The following ACACA variants were observed in gnomAD, a reference collection of about 807,000 sequenced individuals.
ACACA encodes acetyl-CoA carboxylase alpha.
ACACA carries 103 observed loss-of-function variants against 296.1 expected under a neutral mutation model. The ratio of observed to expected loss-of-function variants is 0.35; its 90% confidence interval spans 0.30 to 0.41. The LOEUF (loss-of-function observed/expected upper bound fraction) is 0.41. ACACA is among the 10% of genes least tolerant of loss of function. ACACA has a pLI of 1.00. For missense variants in ACACA, 1,554 were observed against 2,989.7 expected, an observed-to-expected ratio of 0.52 and a Z score of 11.20; for synonymous variants, 953 against 1,038.6, an observed-to-expected ratio of 0.92 and a Z score of 1.58.
chr17:37,180,880 A>G (rs2077292631), intron 40 of ACACA, among the ~76,000 whole-genome samples: 1 of 152,218 alleles, frequency 6.6e-6, no homozygotes, highest in Middle Eastern at 3.2e-3. Context: ...TAATTTGAAT[A>G]TAGACTTGGG....
chr17:37,151,756 G>T (rs1012776540), intron 43 of ACACA, among the ~76,000 whole-genome samples: 7 of 152,152 alleles, frequency 4.6e-5, no homozygotes, highest in Non-Finnish European at 1.0e-4. Context: ...CTGCCTCCCG[G>T]GTTCACGCCA....
chr17:37,242,565 T>A (rs1220972775), intron 22 of ACACA, among the ~76,000 whole-genome samples: 1 of 151,912 alleles, frequency 6.6e-6, no homozygotes, highest in Non-Finnish European at 1.5e-5. Context: ...CCCATCTCTA[T>A]AAAAATTTTT....
At chr17:37,175,696 C>T (rs888796883) in intron 41 of ACACA, among the ~76,000 whole-genome samples, 1 of 152,206 alleles carries the variant, frequency 6.6e-6, no homozygotes, top group Non-Finnish European at 1.5e-5. Flanking sequence ...ATCTTTGGAG[C>T]TATCTGCAAG....
chr17:37,178,223 A>G (rs563375098), intron 41 of ACACA, among the ~76,000 whole-genome samples: 2 of 152,340 alleles, frequency 1.3e-5, no homozygotes, highest in Non-Finnish European at 2.9e-5. Flanking sequence ...GTATAAGAGT[A>G]TAGGGCAAAA....
intron 10 of ACACA, among the ~76,000 whole-genome samples, chr17:37,268,061 T>C (rs149335912): frequency 6.6e-6 from 1 of 152,342 alleles, no homozygotes; most frequent in East Asian, 1.9e-4. Context: ...TGATTTCCAG[T>C]TCTCTACCAA....
intron 1 of ACACA, among the ~76,000 whole-genome samples, chr17:37,396,114 T>C (rs531995348): frequency 2.6e-5 from 4 of 151,936 alleles, no homozygotes; most frequent in African/African-American, 9.6e-5. Context: ...CCGAGTCGGG[T>C]GGATCATCTG....
chr17:37,368,234 T>C (rs1216826531), intron 1 of ACACA, among the ~76,000 whole-genome samples: 1 of 152,214 alleles, frequency 6.6e-6, no homozygotes, highest in African/African-American at 2.4e-5. Flanking sequence ...TTTGCACCAC[T>C]GCACTCCAGC....
At chr17:37,152,477 C>T (rs2076084091) in intron 43 of ACACA, among the ~76,000 whole-genome samples, 1 of 152,202 alleles carries the variant, frequency 6.6e-6, no homozygotes, top group African/African-American at 2.4e-5. Flanking sequence ...AAATACTGAA[C>T]TCCCATTCAT....
Position 37,119,895 on chromosome 17 carries a change from C to CTT in ACACA, c.6274+1458_6274+1459dup, listed in dbSNP as rs36029062. Among the ~76,000 whole-genome samples, 1,058 of 134,392 alleles carry CTT rather than the reference C, an allele frequency of 7.9e-3. 22 individuals carry two copies. Among genetic ancestry groups the CTT allele is most frequent in the African/African-American group, 0.028 (977 of 35,018 alleles). The allele number at this position is 134,392 out of a possible 152,430, so 88.2% of individuals were successfully genotyped here. Reference sequence around the variant, plus strand: ...TATTTTCTTTTCTTTTTCTTTCTTTCTTTTTTTTTTTTTTTGAGATGGAGT... The same window carrying CTT: ...TATTTTCTTTTCTTTTTCTTTCTTTCTTTTTTTTTTTTTTTTTGAGATGGAGT... On this transcript the variant is annotated intron_variant, in intron 50 of 55. Transcript: ENST00000616317.
chr17:37,354,929 T>C (rs557390141), intron 1 of ACACA, among the ~76,000 whole-genome samples: 21 of 151,930 alleles, frequency 1.4e-4, no homozygotes, highest in African/African-American at 5.1e-4. Context: ...AGAGAATCTC[T>C]AAAAAAATAA....
intron 1 of ACACA, chr17:37,366,834 T>C (rs1381982387): frequency 6.6e-6 from 1 of 151,762 alleles, no homozygotes; most frequent in African/African-American, 2.4e-5. Flanking sequence ...ATGCCTGTAA[T>C]CCCAGCACTT....
intron 1 of ACACA, chr17:37,367,104 A>G (rs1184100855): frequency 1.3e-5 from 2 of 151,378 alleles, no homozygotes; most frequent in Non-Finnish European, 2.9e-5. Flanking sequence ...AAATATATAT[A>G]TATATATCAT....
chr17:37,332,085 C>A (rs949805594), intron 2 of ACACA, among the ~76,000 whole-genome samples: 20 of 151,798 alleles, frequency 1.3e-4, no homozygotes, highest in Admixed American at 4.6e-4. Context: ...AAATGTAGGG[C>A]CTTACCAGTT....
chr17:37,307,246 T>A (rs1431552390), intron 3 of ACACA, among the ~76,000 whole-genome samples: 1 of 152,226 alleles, frequency 6.6e-6, no homozygotes, highest in African/African-American at 2.4e-5. Context: ...TACACTAAAA[T>A]GAAATTGCTC....
intron 19 of ACACA, among the ~76,000 whole-genome samples, chr17:37,245,637 T>C (rs1041764706): frequency 6.6e-6 from 1 of 152,132 alleles, no homozygotes; most frequent in African/African-American, 2.4e-5. Context: ...TAAACCTTTC[T>C]CAAAAATCTT....
chr17:37,388,110 A>G (rs897141840), intron 1 of ACACA, among the ~76,000 whole-genome samples: 8 of 152,124 alleles, frequency 5.3e-5, no homozygotes, highest in African/African-American at 1.7e-4. Context: ...GGCTGAAGTG[A>G]GCCAAGATTG....
intron 45 of ACACA, chr17:37,141,035 T>A: frequency 2.4e-6 from 1 of 413,892 alleles, no homozygotes; most frequent in Non-Finnish European, 4.6e-6. Context: ...TGGATGGCAG[T>A]GGCCACCTCC....
intron 45 of ACACA, among the ~76,000 whole-genome samples, chr17:37,146,725 G>C (rs551566254): frequency 2.0e-5 from 3 of 149,960 alleles, no homozygotes; most frequent in East Asian, 2.0e-4. Context: ...GAAGAAGGAG[G>C]GGGGAGAGAG....
At chr17:37,200,204 A>G (rs749569390) in intron 34 of ACACA, 21 bp from the exon 35 acceptor site, 16 of 1,599,470 alleles carry the variant, frequency 1.0e-5, no homozygotes, top group Admixed American at 6.7e-5. Context: ...AAAGAGAGAA[A>G]GGAAGGAAAG....
Sources: allele counts gnomAD v4.1 joint callset (sites outside exome capture counted in the v4.1 genomes callset), GRCh38; gene constraint gnomAD v4.1.1; transcripts MANE v1.5; gene names NCBI Gene and HGNC (gene_info 2026-07-23, HGNC 2026-07-21).